Variants in PDE11A observed in about 807,000 individuals in gnomAD.
PDE11A encodes the protein dual 3',5'-cyclic-AMP and -GMP phosphodiesterase 11A.
In PDE11A, 100 loss-of-function variants were observed where a neutral mutation model predicts 100.5. That is an observed-to-expected ratio of 1.00 (90% confidence interval 0.85 to 1.18). The LOEUF (loss-of-function observed/expected upper bound fraction) is 1.18, where lower values mean the gene tolerates loss of function less well. Ranked by LOEUF, PDE11A falls within the 50% of genes most tolerant of loss-of-function variation. The pLI, the probability that PDE11A is intolerant of heterozygous loss-of-function variation, is 0.00. For missense variants in PDE11A, 1,141 were observed against 1,152.6 expected (o/e 0.99, Z 0.15); for synonymous variants, 381 against 420.8 (o/e 0.91, Z 1.16).
At position 177,998,903 on chromosome 2, in the gene PDE11A, T is replaced by C. The variant is rs539047127; in HGVS notation, c.1071+15399A>G. The stretch of plus-strand genomic sequence containing the variant: ...GATGGCTCTTTAAAGTGTAAAACAA[T>C]GGAAACATCCATGGCAACAAGCCAC... On this transcript the variant is annotated intron_variant, in intron 2 of 19. Coordinates refer to ENST00000286063, the MANE Select transcript of PDE11A (RefSeq NM_016953.4). 121 of 496,066 alleles carry C rather than the reference T, an allele frequency of 2.4e-4. 1 individual carries two copies. In the East Asian group the frequency reaches 3.7e-3, roughly 15 times the overall value. 30.7% of individuals were successfully genotyped at this position (496,066 alleles called of 1,614,324 possible).
intron 2 of PDE11A, among the ~76,000 whole-genome samples, chr2:177,920,367 T>G (rs2695732): frequency 0.33 from 50,690 of 151,714 alleles, 10,104 homozygotes; most frequent in East Asian, 0.53. Context: ...TCAAAAGATA[T>G]AAACAGGAAG....
upstream of PDE11A, among the ~76,000 whole-genome samples, chr2:178,076,311 T>C (rs1217413277): frequency 3.3e-5 from 5 of 152,294 alleles, no homozygotes; most frequent in East Asian, 9.7e-4. Flanking sequence ...TTAATATAAG[T>C]ATTTATTTCT....
intron 1 of PDE11A, among the ~76,000 whole-genome samples, chr2:178,051,884 A>G (rs1009889557): frequency 2.0e-5 from 3 of 152,196 alleles, no homozygotes; most frequent in African/African-American, 7.2e-5. Context: ...AGACCTACAA[A>G]GAGACTTAGA....
intron 19 of PDE11A, among the ~76,000 whole-genome samples, chr2:177,630,393 G>A (rs566153713): frequency 6.6e-6 from 1 of 152,198 alleles, no homozygotes; most frequent in Non-Finnish European, 1.5e-5. Flanking sequence ...TGGAATGAGA[G>A]CCCTAAAAGT....
At chr2:177,893,540 T>C (rs759257168) in intron 4 of PDE11A, among the ~76,000 whole-genome samples, 23 of 152,256 alleles carry the variant, frequency 1.5e-4, no homozygotes, top group Non-Finnish European at 2.4e-4. Flanking sequence ...ACATGCTTAC[T>C]GTCAAGTTGG....
chr2:177,934,491 A>G (rs2085248586), intron 2 of PDE11A, among the ~76,000 whole-genome samples: 1 of 152,158 alleles, frequency 6.6e-6, no homozygotes, highest in Admixed American at 6.5e-5. Flanking sequence ...AACAACAGAT[A>G]TTGGCCAGGC....
intron 5 of PDE11A, among the ~76,000 whole-genome samples, chr2:177,859,346 A>G (rs1336436116): frequency 6.6e-6 from 1 of 151,940 alleles, no homozygotes; most frequent in Non-Finnish European, 1.5e-5. Context: ...CAAAATATCC[A>G]TCAATTGGTT....
intron 2 of PDE11A, among the ~76,000 whole-genome samples, chr2:177,920,532 A>G (rs1230446049): frequency 6.6e-6 from 1 of 152,104 alleles, no homozygotes. Flanking sequence ...CAGGGCCAAT[A>G]ATAATATGGG....
At chr2:177,704,606 G>A (rs1323843133) in intron 13 of PDE11A, among the ~76,000 whole-genome samples, 1 of 152,040 alleles carries the variant, frequency 6.6e-6, no homozygotes, top group African/African-American at 2.4e-5. Context: ...TATCTGTGAA[G>A]ATAAGCTTTA....
intron 10 of PDE11A, among the ~76,000 whole-genome samples, chr2:177,737,165 G>A (rs28679800): frequency 0.84 from 127,674 of 151,870 alleles, 57,874 homozygotes; most frequent in Non-Finnish European, 1. Context: ...GCTTTAACCC[G>A]GAAGGCAGAG....
At chr2:177,999,487 T>G (rs775836375) in intron 2 of PDE11A, among the ~76,000 whole-genome samples, 6 of 151,902 alleles carry the variant, frequency 3.9e-5, no homozygotes, top group Non-Finnish European at 7.4e-5. Context: ...AATCAGACAC[T>G]TTTTTTAAGA....
rs564471487 is a variant in PDE11A at position 177,998,656 on chromosome 2, T to C, written c.1071+15646A>G. On this transcript the variant is annotated intron_variant, in intron 2 of 19. Coordinates refer to ENST00000286063, the MANE Select transcript of PDE11A (RefSeq NM_016953.4). ...TGAGCTGCTAATCGTTTTTCCTTAG[T>C]ACCACCTTTCACACCATCCAGTATC... 224 of 1,258,610 alleles carry C rather than the reference T, an allele frequency of 1.8e-4. 4 individuals are homozygous for C. In the South Asian group the frequency reaches 2.3e-3, roughly 13 times the overall value. The allele number at this position is 1,258,610 out of a possible 1,614,324, so 78.0% of individuals were successfully genotyped here. A position where few individuals can be genotyped will look rare whatever the true frequency, so the allele number is the denominator to read the frequency against.
At chr2:177,652,754 A>G (rs1177263659) in intron 19 of PDE11A, among the ~76,000 whole-genome samples, 1 of 152,244 alleles carries the variant, frequency 6.6e-6, no homozygotes, top group African/African-American at 2.4e-5. Flanking sequence ...AAGAAAAAAT[A>G]CCCCAGGCAT....
Position 177,731,961 on chromosome 2 carries a change from A to G in PDE11A, c.1789-3789T>C, listed in dbSNP as rs145362300. ...AAAAAAAACCTTTATTTTTGTTTTA[A>G]TAGGGCATGGGGAGAGAACAAAAGA... On this transcript the variant is annotated intron_variant, in intron 10 of 19. Transcript: ENST00000286063. 2.2e-3 allele frequency among the ~76,000 whole-genome samples: 340 copies of G among 152,360 alleles called. 1 individual carries two copies. Among genetic ancestry groups the G allele is most frequent in the African/African-American group, 7.8e-3 (325 of 41,590 alleles).
rs186248162 is a variant in PDE11A, at chr2:177,865,005, C to A, written c.1367+10854G>T. On this transcript the variant is annotated intron_variant, in intron 5 of 19. Coordinates refer to ENST00000286063, the MANE Select transcript of PDE11A (RefSeq NM_016953.4). ...ATTAAAAACAAACAAATCGGCCAGG[C>A]ACAGTAGCTCACACCTGTAATTCAG... Among the ~76,000 whole-genome samples, 108 of 152,236 alleles carry A rather than the reference C, an allele frequency of 7.1e-4. 1 individual carries two copies. The South Asian group carries it at 9.3e-3, about 13-fold the overall frequency.
chr2:177,966,173 A>C (rs2105793187), intron 2 of PDE11A, among the ~76,000 whole-genome samples: 1 of 152,282 alleles, frequency 6.6e-6, no homozygotes. Context: ...TTGCTGGTAT[A>C]TAGAAACGTT....
At chr2:177,990,797 C>T (rs932253224) in intron 2 of PDE11A, among the ~76,000 whole-genome samples, 1 of 144,266 alleles carries the variant, frequency 6.9e-6, no homozygotes, top group East Asian at 2.0e-4. Flanking sequence ...GCCTGTAATC[C>T]TAGCACTTTG....
In PDE11A at chr2:177,728,077, G is replaced by A. The variant is rs773421678; in HGVS notation, c.1884C>T (p.Leu628=). The change falls in exon 11 of 20, where the codon CTC becomes CTT. Residue 628 remains leucine, a synonymous_variant. Coordinates refer to ENST00000286063, the MANE Select transcript of PDE11A (RefSeq NM_016953.4). The part of the protein sequence containing the change: ...LDVDAMITAA[L]RMFMELGMVQ... Reference sequence around the variant, plus strand: ...CCATCCCCAGCTCCATGAACATCCGGAGAGCAGCTGTGATCATGGCATCAA... The same window carrying A: ...CCATCCCCAGCTCCATGAACATCCGAAGAGCAGCTGTGATCATGGCATCAA... The A allele has an allele frequency of 2.5e-6, 4 of 1,612,942 alleles. No individual in the cohort carries two copies. In the South Asian group the frequency reaches 3.3e-5, roughly 13 times the overall value.
chr2:178,103,235 G>A (rs2087581440), intron 2 of PDE11A, among the ~76,000 whole-genome samples: 1 of 152,118 alleles, frequency 6.6e-6, no homozygotes, highest in African/African-American at 2.4e-5. Context: ...GATGGGCCTT[G>A]AAAACATTAT....
Sources: gnomAD v4.1 joint callset for allele counts (sites outside exome capture counted in the v4.1 genomes callset) on GRCh38, gnomAD v4.1.1 for gene constraint, MANE v1.5 for transcripts, NCBI Gene and HGNC (gene_info 2026-07-23, HGNC 2026-07-21) for gene names.